PDZRN4: variants seen among roughly 807,000 people sequenced by gnomAD.
The protein encoded by PDZRN4 is PDZ domain-containing RING finger protein 4.
A neutral mutation model predicts 99.0 loss-of-function variants in PDZRN4; 70 were observed. The observed-to-expected ratio is 0.71, with a 90% CI of 0.58 to 0.86. PDZRN4 has a LOEUF of 0.86. Among genes scored for constraint, PDZRN4 ranks in the 40% least tolerant of loss-of-function variants. PDZRN4 has a pLI of 0.00. For missense variants in PDZRN4, 1,474 were observed against 1,331.2 expected (o/e 1.11, Z -1.67); for synonymous variants, 551 against 501.6 (o/e 1.10, Z -1.32).
chr12:41,480,310 G>C (rs1416698092), intron 3 of PDZRN4, among the ~76,000 whole-genome samples: 1 of 151,988 alleles, frequency 6.6e-6, no homozygotes, highest in African/African-American at 2.4e-5. Context: ...TCACCAAGTG[G>C]CTGGAATATT....
chr12:41,542,276 A>G (rs1348301296), intron 5 of PDZRN4, among the ~76,000 whole-genome samples: 1 of 152,234 alleles, frequency 6.6e-6, no homozygotes, highest in Non-Finnish European at 1.5e-5. Flanking sequence ...TATAGACATT[A>G]CAATAGGGAT....
At chr12:41,466,819 T>G (rs2120553465) in intron 3 of PDZRN4, among the ~76,000 whole-genome samples, 1 of 151,366 alleles carries the variant, frequency 6.6e-6, no homozygotes, top group Non-Finnish European at 1.5e-5. Flanking sequence ...TTATGGGTCT[T>G]GCACCATGAA....
intron 3 of PDZRN4, among the ~76,000 whole-genome samples, chr12:41,295,002 T>TA (rs112139532): frequency 8.9e-4 from 131 of 147,922 alleles, no homozygotes; most frequent in Non-Finnish European, 1.1e-3. Context: ...CATAGACATG[T>TA]AAAAAAAAAA....
At chr12:41,480,559 A>G (rs1334303055) in intron 3 of PDZRN4, among the ~76,000 whole-genome samples, 1 of 152,094 alleles carries the variant, frequency 6.6e-6, no homozygotes, top group Admixed American at 6.6e-5. Flanking sequence ...TCTACAATGT[A>G]TTTACTTCTA....
intron 3 of PDZRN4, among the ~76,000 whole-genome samples, chr12:41,447,912 TG>T (rs1283503826): frequency 6.6e-6 from 1 of 152,034 alleles, no homozygotes; most frequent in Non-Finnish European, 1.5e-5. Context: ...GAAGAAGGAA[TG>T]GAGGAGAGGA....
chr12:41,529,020 C>T (rs77476594), intron 5 of PDZRN4, among the ~76,000 whole-genome samples: 3,068 of 152,164 alleles, frequency 0.02, 91 homozygotes, highest in African/African-American at 0.066. Flanking sequence ...TTGGCTTTTC[C>T]TATGTTGAAT....
chr12:41,355,377 C>T (rs1951919991), intron 3 of PDZRN4, among the ~76,000 whole-genome samples: 1 of 151,978 alleles, frequency 6.6e-6, no homozygotes, highest in African/African-American at 2.4e-5. Flanking sequence ...TATCTGTTTA[C>T]CTTTTAATAT....
intron 3 of PDZRN4, among the ~76,000 whole-genome samples, chr12:41,482,566 A>T (rs1436906206): frequency 6.6e-6 from 1 of 152,164 alleles, no homozygotes; most frequent in Non-Finnish European, 1.5e-5. Context: ...TTCTCATAAA[A>T]GTCCTGTAAG....
At chr12:41,500,250 C>T (rs1454112380) in intron 3 of PDZRN4, among the ~76,000 whole-genome samples, 2 of 151,804 alleles carry the variant, frequency 1.3e-5, no homozygotes, top group African/African-American at 4.8e-5. Context: ...CTGAGAAAGC[C>T]AGCTGCCTGG....
rs1342297894 is a variant in PDZRN4 at position 41,506,559 on chromosome 12, T to C, written c.947T>C (p.Leu316Pro). 3 of 1,613,716 alleles carry C rather than the reference T, an allele frequency of 1.9e-6. No individual in the cohort carries two copies. The highest frequency in any genetic ancestry group is 2.5e-6 in the Non-Finnish European group (3 of 1,179,872). The part of the protein sequence containing the change: ...IVVQVLRRTP[L>P]SRPAYGMASE... The stretch of plus-strand genomic sequence containing the variant: ...GTGCAGGTGTTAAGGCGAACACCTC[T>C]TAGTAGACCAGCCTATGGGATGGCT... Residue 316 changes from leucine to proline, a missense_variant, in exon 4 of 10, where the codon CTT becomes CCT. Coordinates refer to ENST00000402685, the MANE Select transcript of PDZRN4 (RefSeq NM_001164595.2).
intron 3 of PDZRN4, among the ~76,000 whole-genome samples, chr12:41,224,006 T>C (rs1357429403): frequency 6.6e-6 from 1 of 152,220 alleles, no homozygotes; most frequent in African/African-American, 2.4e-5. Context: ...GGAGGGGGAC[T>C]AAGTTCTAGA....
intron 5 of PDZRN4, among the ~76,000 whole-genome samples, chr12:41,529,597 T>C (rs1938625767): frequency 1.3e-5 from 2 of 152,228 alleles, no homozygotes; most frequent in African/African-American, 4.8e-5. Flanking sequence ...CCACAGTGAA[T>C]TAATATCTAT....
intron 3 of PDZRN4, among the ~76,000 whole-genome samples, chr12:41,246,561 G>T (rs919500199): frequency 5.3e-5 from 8 of 152,070 alleles, no homozygotes; most frequent in Admixed American, 2.0e-4. Flanking sequence ...ATTTTTTTCA[G>T]CTAACTTGTA....
At chr12:41,280,088 G>A (rs1007441499) in intron 3 of PDZRN4, among the ~76,000 whole-genome samples, 4 of 152,120 alleles carry the variant, frequency 2.6e-5, no homozygotes, top group Admixed American at 6.5e-5. Context: ...GTGGGGTGTC[G>A]CCTCACCTGG....
intron 3 of PDZRN4, among the ~76,000 whole-genome samples, chr12:41,434,254 C>A (rs931861600): frequency 6.6e-6 from 1 of 152,074 alleles, no homozygotes; most frequent in African/African-American, 2.4e-5. Context: ...CTGATTGCAT[C>A]CCCATGGTTT....
At chr12:41,449,683 T>C (rs1428106406) in intron 3 of PDZRN4, among the ~76,000 whole-genome samples, 1 of 152,166 alleles carries the variant, frequency 6.6e-6, no homozygotes, top group African/African-American at 2.4e-5. Flanking sequence ...AAAATTAAAA[T>C]TAAAAGTAAA....
At chr12:41,365,690 C>T (rs1951994892) in intron 3 of PDZRN4, among the ~76,000 whole-genome samples, 1 of 152,018 alleles carries the variant, frequency 6.6e-6, no homozygotes, top group Non-Finnish European at 1.5e-5. Context: ...CTCCAGGGGT[C>T]TGAATAAACA....
At chr12:41,202,228 G>A (rs1269200441) in intron 3 of PDZRN4, among the ~76,000 whole-genome samples, 1 of 151,998 alleles carries the variant, frequency 6.6e-6, no homozygotes, top group African/African-American at 2.4e-5. Flanking sequence ...AGAGCTGCTT[G>A]GAATAATTAC....
intron 3 of PDZRN4, among the ~76,000 whole-genome samples, chr12:41,445,602 A>G (rs1952719136): frequency 6.6e-6 from 1 of 152,094 alleles, no homozygotes; most frequent in East Asian, 1.9e-4. Flanking sequence ...GAATTAAATC[A>G]CTAGGTAGTC....
Sources: allele counts gnomAD v4.1 joint callset (sites outside exome capture counted in the v4.1 genomes callset), GRCh38; gene constraint gnomAD v4.1.1; transcripts MANE v1.5; gene names NCBI Gene and HGNC (gene_info 2026-07-23, HGNC 2026-07-21).